The following RGL1 variants were observed in gnomAD, a reference collection of about 807,000 sequenced individuals.
RGL1 encodes ral guanine nucleotide dissociation stimulator-like 1.
Under a neutral mutation model 95.2 loss-of-function variants are expected in RGL1, and 24 were observed. The ratio of observed to expected loss-of-function variants is 0.25; its 90% CI spans 0.18 to 0.35. The LOEUF (loss-of-function observed/expected upper bound fraction) is 0.35. Among genes scored for constraint, RGL1 ranks in the 10% least tolerant of loss-of-function variants. RGL1 has a pLI of 1.00. For synonymous variants in RGL1, 329 were observed against 344.9 expected, an observed-to-expected ratio of 0.95 and a Z score of 0.51; for missense variants, 715 against 936.3, an observed-to-expected ratio of 0.76 and a Z score of 3.08.
At chr1:183,694,176 AAGGGAAAGGTTAACTT>A (rs1383810107) in intron 1 of RGL1, among the ~76,000 whole-genome samples, 1 of 152,110 alleles carries the variant, frequency 6.6e-6, no homozygotes, top group African/African-American at 2.4e-5. Flanking sequence ...GTCTCTTGGG[AAGGGAAAGGTTAACTT>A]TTATTTCCAA....
chr1:183,795,604 A>C (rs1660658320), intron 2 of RGL1, among the ~76,000 whole-genome samples: 1 of 152,230 alleles, frequency 6.6e-6, no homozygotes, highest in Non-Finnish European at 1.5e-5. Flanking sequence ...GAAGCTGAAG[A>C]GGCAGGCAGG....
intron 2 of RGL1, among the ~76,000 whole-genome samples, chr1:183,744,151 T>C (rs1300758105): frequency 6.6e-6 from 1 of 152,214 alleles, no homozygotes; most frequent in Non-Finnish European, 1.5e-5. Flanking sequence ...GAAATTATTA[T>C]ACCAACTCCT....
At chr1:183,650,013 A>G (rs755413076) in intron 1 of RGL1, among the ~76,000 whole-genome samples, 6 of 152,004 alleles carry the variant, frequency 3.9e-5, no homozygotes, top group African/African-American at 1.2e-4. Flanking sequence ...CAGTCTCCCT[A>G]TGTTGCCCAC....
chr1:183,694,010 G>A (rs1654113170), intron 1 of RGL1, among the ~76,000 whole-genome samples: 1 of 152,186 alleles, frequency 6.6e-6, no homozygotes, highest in African/African-American at 2.4e-5. Flanking sequence ...GTGAAGGGCT[G>A]CTATGGCATG....
intron 1 of RGL1, chr1:183,710,213 C>T: frequency 4.9e-6 from 1 of 202,702 alleles, no homozygotes; most frequent in South Asian, 7.5e-5. Context: ...CTTCGATGCA[C>T]ACTCTTACCA....
intron 2 of RGL1, among the ~76,000 whole-genome samples, chr1:183,794,568 T>A (rs149288925): frequency 6.6e-6 from 1 of 152,090 alleles, no homozygotes. Flanking sequence ...AATAAAAAAG[T>A]CCTCTTGTTC....
chr1:183,816,423 A>G lies in RGL1; in HGVS notation c.138+9938A>G, dbSNP rs186604977. ...GGACTAAACTACATGAGATAAAGATAAAATTTCTTACTGTGCTACACGTTG... is the reference window on the plus strand; with the variant it reads ...GGACTAAACTACATGAGATAAAGATGAAATTTCTTACTGTGCTACACGTTG... On this transcript the variant is annotated intron_variant, in intron 2 of 17. Transcript: ENST00000360851. Among the ~76,000 whole-genome samples the G allele has an allele frequency of 3.9e-3, 589 of 152,314 alleles. 15 individuals carry two copies. The highest frequency in any genetic ancestry group is 0.036 in the Admixed American group (556 of 15,298).
intron 2 of RGL1, among the ~76,000 whole-genome samples, chr1:183,774,265 A>C (rs1659467702): frequency 6.6e-6 from 1 of 152,234 alleles, no homozygotes; most frequent in Admixed American, 6.5e-5. Context: ...CTAAGCAGAC[A>C]TAAGAATGTG....
intron 2 of RGL1, among the ~76,000 whole-genome samples, chr1:183,772,469 A>G (rs1170860783): frequency 6.6e-6 from 1 of 152,102 alleles, no homozygotes. Context: ...CATTTTTTAA[A>G]TTTTTCCTTA....
chr1:183,877,646 G>A (rs140666602), intron 4 of RGL1, among the ~76,000 whole-genome samples: 3 of 152,004 alleles, frequency 2.0e-5, no homozygotes, highest in African/African-American at 4.8e-5. Flanking sequence ...CTGTTTCTTC[G>A]TCCTCCTCCC....
rs1660442213 is a variant in RGL1, at chr1:183,791,564, A to C, written c.133-14811A>C. The stretch of plus-strand genomic sequence containing the variant: ...ATTCTAGTGTTATGTAACTGACCAC[A>C]CTAAGACTTCCAATTAACTTTGGTT... On this transcript the variant is annotated intron_variant, in intron 2 of 18. Coordinates refer to the RGL1 transcript ENST00000304685. Among the ~76,000 whole-genome samples, 4 of 152,374 alleles carry C rather than the reference A, an allele frequency of 2.6e-5. No homozygotes were observed. The South Asian group carries it at 8.3e-4, about 32-fold the overall frequency.
chr1:183,788,088 TG>T (rs1354412176), intron 2 of RGL1, among the ~76,000 whole-genome samples: 1 of 152,232 alleles, frequency 6.6e-6, no homozygotes, highest in Non-Finnish European at 1.5e-5. Context: ...CCCTTTTACC[TG>T]CTTACTTTGT....
intron 2 of RGL1, among the ~76,000 whole-genome samples, chr1:183,772,869 C>T (rs1207627093): frequency 2.0e-5 from 3 of 150,922 alleles, no homozygotes; most frequent in African/African-American, 4.9e-5. Context: ...ATTAGCCGGG[C>T]GCGGTGGCGG....
intron 1 of RGL1, among the ~76,000 whole-genome samples, chr1:183,716,864 T>G (rs1433815938): frequency 6.6e-6 from 1 of 152,268 alleles, no homozygotes; most frequent in Non-Finnish European, 1.5e-5. Flanking sequence ...GACAGCTAGT[T>G]CTTTGCCTGG....
chr1:183,812,701 A>G (rs985985191), intron 2 of RGL1, among the ~76,000 whole-genome samples: 1 of 152,220 alleles, frequency 6.6e-6, no homozygotes, highest in African/African-American at 2.4e-5. Context: ...GGAAGCCTGC[A>G]CAGAGGAGAG....
intron 2 of RGL1, among the ~76,000 whole-genome samples, chr1:183,744,096 C>G (rs1452004021): frequency 3.9e-5 from 6 of 152,120 alleles, no homozygotes; most frequent in Non-Finnish European, 7.4e-5. Context: ...AGTTGCATGC[C>G]TTTCTTTTGG....
At chr1:183,767,523 G>T (rs1427494570) in intron 2 of RGL1, among the ~76,000 whole-genome samples, 1 of 152,168 alleles carries the variant, frequency 6.6e-6, no homozygotes, top group Admixed American at 6.5e-5. Context: ...ATTCACTTCA[G>T]GGATGTGACC....
Position 183,861,172 on chromosome 1 carries a change from T to G in RGL1, c.348-4824T>G, listed in dbSNP as rs560933632. 4.6e-5 allele frequency among the ~76,000 whole-genome samples: 7 copies of G among 152,284 alleles called. No individual in the cohort carries two copies. In the South Asian group the frequency reaches 1.4e-3, roughly 32 times the overall value. ...AGCCCTTAGCACAGTACCTGGCATATAGTAAGTTCTCAATAATTATTAACT... is the reference window on the plus strand; with the variant it reads ...AGCCCTTAGCACAGTACCTGGCATAGAGTAAGTTCTCAATAATTATTAACT... On this transcript the variant is annotated intron_variant, in intron 3 of 17. Coordinates refer to ENST00000360851, the MANE Select transcript of RGL1 (RefSeq NM_001297671.3).
At chr1:183,643,178 A>C (rs944467799) in intron 1 of RGL1, among the ~76,000 whole-genome samples, 6 of 152,158 alleles carry the variant, frequency 3.9e-5, no homozygotes, top group Non-Finnish European at 7.3e-5. Context: ...GTCAATGGAC[A>C]TTTGGTTTGG....
Sources: allele counts gnomAD v4.1 joint callset (sites outside exome capture counted in the v4.1 genomes callset), GRCh38; gene constraint gnomAD v4.1.1; transcripts MANE v1.5; gene names NCBI Gene and HGNC (gene_info 2026-07-23, HGNC 2026-07-21).